Variants in SLC12A1 observed in about 807,000 individuals in gnomAD.
SLC12A1 encodes Na-K-2Cl cotransporter.
In SLC12A1, 89 loss-of-function variants were observed where a neutral mutation model predicts 130.4. The observed-to-expected ratio is 0.68, with a 90% confidence interval of 0.58 to 0.81. The LOEUF (loss-of-function observed/expected upper bound fraction) is 0.81, where lower values mean the gene tolerates loss of function less well. SLC12A1 is among the 40% of genes least tolerant of loss of function. The pLI, the probability that SLC12A1 is intolerant of heterozygous loss-of-function variation, is 0.00. For missense variants in SLC12A1, 1,310 were observed against 1,336.4 expected, an observed-to-expected ratio of 0.98 and a Z score of 0.31; for synonymous variants, 499 against 460.0, an observed-to-expected ratio of 1.08 and a Z score of -1.09.
chr15:48,249,820 T>G, intron 14 of SLC12A1, 144 bp downstream of exon 14: 1 of 642,736 alleles, frequency 1.6e-6, no homozygotes, highest in Non-Finnish European at 2.7e-6. Context: ...TTTATTTTGG[T>G]GAGTTTGGGG....
intron 20 of SLC12A1, among the ~76,000 whole-genome samples, chr15:48,281,114 G>A (rs1183866387): frequency 1.3e-5 from 2 of 152,150 alleles, no homozygotes; most frequent in Admixed American, 6.5e-5. Context: ...ACCTGGGTTT[G>A]GATCCCAAAT....
At position 48,212,808 on chromosome 15, in the gene SLC12A1, T is replaced by A. The variant is rs890668574; in HGVS notation, c.420+4669T>A. Among the ~76,000 whole-genome samples the A allele has an allele frequency of 3.3e-5, 5 of 152,300 alleles. No individual in the cohort carries two copies. The East Asian group carries it at 9.6e-4, about 29-fold the overall frequency. ...ATTATTCTTAAAGAAGCTAACTCTATAGAAACTAATCCAAAAAAAAATCAA... is the reference window on the plus strand; with the variant it reads ...ATTATTCTTAAAGAAGCTAACTCTAAAGAAACTAATCCAAAAAAAAATCAA... On this transcript the variant is annotated intron_variant, in intron 2 of 26. Coordinates refer to ENST00000380993, the MANE Select transcript of SLC12A1 (RefSeq NM_000338.3).
intron 21 of SLC12A1, among the ~76,000 whole-genome samples, chr15:48,286,837 C>T (rs2042065130): frequency 6.6e-6 from 1 of 152,206 alleles, no homozygotes; most frequent in Non-Finnish European, 1.5e-5. Context: ...GAGAACCAAT[C>T]CTGCCTCCAG....
intron 2 of SLC12A1, among the ~76,000 whole-genome samples, chr15:48,219,924 C>T (rs981708354): frequency 1.3e-5 from 2 of 151,216 alleles, no homozygotes; most frequent in East Asian, 1.9e-4. Flanking sequence ...TGTGGTGGTG[C>T]GCGCCTGTAA....
At chr15:48,272,378 G>T (rs190176301) in intron 19 of SLC12A1, among the ~76,000 whole-genome samples, 6 of 152,198 alleles carry the variant, frequency 3.9e-5, no homozygotes, top group Admixed American at 2.6e-4. Context: ...TTGAATAAAA[G>T]ATTTTAAATG....
intron 10 of SLC12A1, among the ~76,000 whole-genome samples, chr15:48,242,236 T>TG (rs908166206): frequency 1.1e-4 from 16 of 152,310 alleles, no homozygotes; most frequent in African/African-American, 3.6e-4. Context: ...TCCTCCTGGT[T>TG]GGGGGTTGCC....
intron 24 of SLC12A1, among the ~76,000 whole-genome samples, chr15:48,296,291 A>G (rs2141125544): frequency 6.6e-6 from 1 of 152,348 alleles, no homozygotes; most frequent in East Asian, 1.9e-4. Context: ...AAACATCAGT[A>G]AGTCTTGATG....
At chr15:48,294,899 T>TTTTTTTTATTTATTTATTTATTTA (rs2042159755) in intron 24 of SLC12A1, among the ~76,000 whole-genome samples, 3 of 147,438 alleles carry the variant, frequency 2.0e-5, no homozygotes, top group Middle Eastern at 3.4e-3. Flanking sequence ...CTTCTTTTTA[T>TTTTTTTTATTTATTTATTTATTTA]TTTATTTATT....
chr15:48,259,561 G>T lies in SLC12A1; in HGVS notation c.2154+250G>T, dbSNP rs748761487. Among the ~76,000 whole-genome samples the T allele has an allele frequency of 5.5e-4, 83 of 152,120 alleles. 1 individual carries two copies. Among genetic ancestry groups the T allele is most frequent in the Non-Finnish European group, 1.9e-4 (13 of 68,030 alleles). The stretch of plus-strand genomic sequence containing the variant: ...AAGTGACAAATATTTCCAAATGATG[G>T]CCTTTGAGTCAAGAAAAAGATAGCT... On this transcript the variant is annotated intron_variant, in intron 17 of 26. Transcript: ENST00000380993.
At chr15:48,276,401 A>T (rs907491401) in intron 20 of SLC12A1, among the ~76,000 whole-genome samples, 1 of 152,168 alleles carries the variant, frequency 6.6e-6, no homozygotes. Flanking sequence ...ATGTGACTGT[A>T]TTTGGAGACA....
chr15:48,217,600 T>A (rs1323938442), intron 2 of SLC12A1, among the ~76,000 whole-genome samples: 1 of 152,156 alleles, frequency 6.6e-6, no homozygotes, highest in Non-Finnish European at 1.5e-5. Context: ...AATAAAATAA[T>A]CTGTCTTAGG....
chr15:48,286,488 A>G (rs1010352222), intron 21 of SLC12A1, among the ~76,000 whole-genome samples: 5 of 152,232 alleles, frequency 3.3e-5, no homozygotes, highest in African/African-American at 1.2e-4. Context: ...AAAGTTAACA[A>G]TCCATTAAAT....
In SLC12A1 at chr15:48,274,750, A is replaced by G; in HGVS notation, c.2485+97A>G. 5 of 722,978 alleles carry G rather than the reference A, an allele frequency of 6.9e-6. No homozygotes were observed. In the South Asian group the frequency reaches 7.2e-5, roughly 10 times the overall value. 44.8% of individuals were successfully genotyped at this position (722,978 alleles called of 1,614,324 possible). Reference sequence around the variant, plus strand: ...TACAGCAGGGCACAATATAGACAAAACTCCTTGACAGTGGAGCTTACATTC... The same window carrying G: ...TACAGCAGGGCACAATATAGACAAAGCTCCTTGACAGTGGAGCTTACATTC... On this transcript the variant is annotated intron_variant, in intron 20 of 26. Transcript: ENST00000380993.
At chr15:48,210,918 A>G (rs1371522320) in intron 2 of SLC12A1, among the ~76,000 whole-genome samples, 3 of 152,132 alleles carry the variant, frequency 2.0e-5, no homozygotes, top group African/African-American at 7.2e-5. Context: ...GGAATGTTAT[A>G]GCTGCATTAG....
chr15:48,246,569 T>C (rs1229117524), intron 11 of SLC12A1, among the ~76,000 whole-genome samples: 17 of 152,090 alleles, frequency 1.1e-4, no homozygotes, highest in Admixed American at 1.1e-3. Context: ...TCACTTGAGG[T>C]CAGGAGTTCA....
intron 11 of SLC12A1, 82 bp downstream of exon 11, chr15:48,244,986 A>T: frequency 7.9e-7 from 1 of 1,272,788 alleles, no homozygotes; most frequent in Non-Finnish European, 1.1e-6. Flanking sequence ...CTGAATCTGC[A>T]ACTGATTGAT....
At chr15:48,220,131 GTAGATAGA>G (rs71120609) in intron 2 of SLC12A1, among the ~76,000 whole-genome samples, 7,027 of 105,686 alleles carry the variant, frequency 0.066, 552 homozygotes, top group East Asian at 0.21. Context: ...AAAAAAAAAG[GTAGATAGA>G]TAGATAGATA....
chr15:48,280,070 T>G (rs2041995139), intron 20 of SLC12A1, among the ~76,000 whole-genome samples: 1 of 151,784 alleles, frequency 6.6e-6, no homozygotes, highest in Non-Finnish European at 1.5e-5. Flanking sequence ...GTTTCCCTGC[T>G]CTCCCTTCTG....
At chr15:48,242,860 T>C (rs559105304) in intron 10 of SLC12A1, among the ~76,000 whole-genome samples, 1 of 152,300 alleles carries the variant, frequency 6.6e-6, no homozygotes, top group South Asian at 2.1e-4. Context: ...TTTAGTTACA[T>C]GTAAAGAGAT....
Sources: gnomAD v4.1 joint callset for allele counts (sites outside exome capture counted in the v4.1 genomes callset) on GRCh38, gnomAD v4.1.1 for gene constraint, MANE v1.5 for transcripts, NCBI Gene and HGNC (gene_info 2026-07-23, HGNC 2026-07-21) for gene names.